Variants in GPC5 observed in about 807,000 individuals in gnomAD.
GPC5 encodes the protein glypican 5.
GPC5 carries 47 observed loss-of-function variants against 53.9 expected under a neutral mutation model. The ratio of observed to expected loss-of-function variants is 0.87; its 90% CI spans 0.69 to 1.11. GPC5 has a LOEUF of 1.11. Ranked by LOEUF, GPC5 falls within the 50% of genes most tolerant of loss-of-function variation. GPC5 has a pLI of 0.00. For missense variants in GPC5, 748 were observed against 713.1 expected, an observed-to-expected ratio of 1.05 and a Z score of -0.56; for synonymous variants, 286 against 263.3, an observed-to-expected ratio of 1.09 and a Z score of -0.84.
chr13:91,793,606 G>A (rs2138754553), intron 5 of GPC5, among the ~76,000 whole-genome samples: 1 of 152,158 alleles, frequency 6.6e-6, no homozygotes, highest in African/African-American at 2.4e-5. Context: ...CCTTGTATTA[G>A]TCCATTTTCA....
intron 7 of GPC5, among the ~76,000 whole-genome samples, chr13:92,624,825 A>T (rs1330626632): frequency 1.3e-5 from 2 of 152,234 alleles, no homozygotes; most frequent in Non-Finnish European, 2.9e-5. Flanking sequence ...TGTTCTGGAG[A>T]AATACACTTG....
At chr13:92,081,365 G>C (rs528952980) in intron 6 of GPC5, among the ~76,000 whole-genome samples, 1 of 152,180 alleles carries the variant, frequency 6.6e-6, no homozygotes, top group African/African-American at 2.4e-5. Flanking sequence ...GACTCCCAAA[G>C]TGCTGGGATT....
chr13:91,761,237 A>T (rs944873201), intron 5 of GPC5, among the ~76,000 whole-genome samples: 9 of 152,188 alleles, frequency 5.9e-5, no homozygotes, highest in African/African-American at 2.2e-4. Context: ...TAACTTCCAC[A>T]GTGGCTCTTA....
chr13:92,139,172 T>C (rs2041808953), intron 6 of GPC5, among the ~76,000 whole-genome samples: 1 of 152,206 alleles, frequency 6.6e-6, no homozygotes, highest in Admixed American at 6.5e-5. Context: ...TATTCCTTAT[T>C]GGCGATAAGA....
intron 4 of GPC5, among the ~76,000 whole-genome samples, chr13:91,751,399 G>A (rs1290009536): frequency 6.6e-6 from 1 of 152,170 alleles, no homozygotes; most frequent in Non-Finnish European, 1.5e-5. Flanking sequence ...CATACCATTG[G>A]TTGAGAACAA....
At chr13:91,972,091 G>A (rs1236255122) in intron 6 of GPC5, among the ~76,000 whole-genome samples, 1 of 152,112 alleles carries the variant, frequency 6.6e-6, no homozygotes, top group African/African-American at 2.4e-5. Flanking sequence ...TTATTATTGT[G>A]TTGGAGTCTA....
At chr13:92,127,658 G>A (rs2041710242) in intron 6 of GPC5, among the ~76,000 whole-genome samples, 1 of 152,146 alleles carries the variant, frequency 6.6e-6, no homozygotes, top group South Asian at 2.1e-4. Context: ...AGCTGTCTAA[G>A]GGCACATGCC....
intron 5 of GPC5, among the ~76,000 whole-genome samples, chr13:91,893,466 C>A (rs920408672): frequency 1.3e-5 from 2 of 152,028 alleles, no homozygotes; most frequent in Non-Finnish European, 2.9e-5. Context: ...TTCTGGCCCT[C>A]TACTCCAGAT....
At chr13:92,395,914 T>C (rs1033495930) in intron 7 of GPC5, among the ~76,000 whole-genome samples, 24 of 151,868 alleles carry the variant, frequency 1.6e-4, no homozygotes, top group African/African-American at 5.5e-4. Flanking sequence ...TCTGTTTTTT[T>C]TTTTTTTGTA....
chr13:91,594,985 CATTTATTTATTT>C (rs60740693), intron 2 of GPC5, among the ~76,000 whole-genome samples: 60,573 of 137,200 alleles, frequency 0.44, 14,422 homozygotes, highest in East Asian at 0.64. Context: ...TTTTTATTTA[CATTTATTTATTT>C]ATTTATTTAT....
chr13:91,399,068 G>C lies in GPC5; in HGVS notation c.22G>C (p.Val8Leu). The change falls in exon 1 of 8, where the codon GTG becomes CTG. Residue 8 changes from valine (V) to leucine (L), a missense_variant. Val to Leu is a conservative substitution (Grantham distance 32). Coordinates refer to ENST00000377067, the MANE Select transcript of GPC5 (RefSeq NM_004466.6). MDAQTWPVGFRCLLLLAL... is the reference protein window; with the variant it reads MDAQTWPLGFRCLLLLAL... ...GAGGATGGACGCACAGACCTGGCCC[G>C]TGGGCTTTCGCTGCCTCCTCCTTCT... 1 of 1,569,574 alleles carries C rather than the reference G, an allele frequency of 6.4e-7. No homozygotes were observed. The highest frequency in any genetic ancestry group is 8.6e-7 in the Non-Finnish European group (1 of 1,157,714).
rs1476799094 is a variant in GPC5, at chr13:91,677,604, C to T, written c.326-15583C>T. ...TTTGCATTCTAATATACGGATTTTC[C>T]AAGCACTTTGATCTTGCCCTGCAAA... On this transcript the variant is annotated intron_variant, in intron 2 of 7. Coordinates refer to ENST00000377067, the MANE Select transcript of GPC5 (RefSeq NM_004466.6). Among the ~76,000 whole-genome samples, 6 of 152,056 alleles carry T rather than the reference C, an allele frequency of 3.9e-5. 1 individual carries two copies. The highest frequency in any genetic ancestry group is 8.8e-5 in the Non-Finnish European group (6 of 67,990).
intron 6 of GPC5, among the ~76,000 whole-genome samples, chr13:91,980,655 A>G (rs2040348855): frequency 1.3e-5 from 2 of 152,224 alleles, no homozygotes; most frequent in South Asian, 4.1e-4. Flanking sequence ...CTGAATTATA[A>G]CATACAGTGA....
intron 6 of GPC5, among the ~76,000 whole-genome samples, chr13:92,144,568 T>A (rs911376052): frequency 2.0e-5 from 3 of 152,152 alleles, no homozygotes; most frequent in African/African-American, 7.2e-5. Context: ...GCAAAGAAGG[T>A]GTAATTTCAT....
chr13:92,251,067 C>T (rs1302936695), intron 7 of GPC5, among the ~76,000 whole-genome samples: 4 of 152,048 alleles, frequency 2.6e-5, no homozygotes, highest in Non-Finnish European at 4.4e-5. Context: ...TCATGTACTC[C>T]ATGCTTAAAT....
intron 7 of GPC5, among the ~76,000 whole-genome samples, chr13:92,283,232 A>C (rs553096772): frequency 1.3e-5 from 2 of 152,206 alleles, no homozygotes. Context: ...GAGTAACCAG[A>C]TTCATAAAGC....
At chr13:92,783,883 T>C (rs1876120697) in intron 7 of GPC5, among the ~76,000 whole-genome samples, 1 of 152,146 alleles carries the variant, frequency 6.6e-6, no homozygotes, top group Non-Finnish European at 1.5e-5. Context: ...AAGAAAATTT[T>C]AATTTTTAGA....
chr13:91,593,472 C>T (rs2032879056), intron 2 of GPC5, among the ~76,000 whole-genome samples: 1 of 151,944 alleles, frequency 6.6e-6, no homozygotes, highest in Non-Finnish European at 1.5e-5. Context: ...GTCTCTGGGC[C>T]TTTCTATATG....
chr13:92,134,931 T>C (rs1172906272), intron 6 of GPC5, among the ~76,000 whole-genome samples: 1 of 152,178 alleles, frequency 6.6e-6, no homozygotes, highest in Non-Finnish European at 1.5e-5. Context: ...AGTATAATTC[T>C]TATGCATCAC....
Sources: gnomAD v4.1 joint callset for allele counts (sites outside exome capture counted in the v4.1 genomes callset) on GRCh38, gnomAD v4.1.1 for gene constraint, MANE v1.5 for transcripts, NCBI Gene and HGNC (gene_info 2026-07-23, HGNC 2026-07-21) for gene names.